UBR3: variants seen among roughly 807,000 people sequenced by gnomAD.
UBR3 encodes ubiquitin protein ligase E3 component n-recognin 3, also known as E3 ubiquitin-protein ligase UBR3.
Under a neutral mutation model 243.2 loss-of-function variants are expected in UBR3, and 85 were observed. The ratio of observed to expected loss-of-function variants is 0.35; its 90% CI spans 0.29 to 0.42. UBR3 has a LOEUF of 0.42. UBR3 is among the 10% of genes least tolerant of loss of function. The pLI is 1.00. For missense variants in UBR3, 1,686 were observed against 2,300.8 expected (o/e 0.73, Z 5.47); for synonymous variants, 748 against 799.8 (o/e 0.94, Z 1.09).
At chr2:169,905,939 A>G in intron 9 of UBR3, 92 bp from the exon 10 acceptor site, 1 of 1,379,664 alleles carries the variant, frequency 7.2e-7, no homozygotes, top group Non-Finnish European at 9.7e-7. Flanking sequence ...TTGTGTGCAT[A>G]AATGTGTTTG....
chr2:169,830,370 A>C (rs1302829546), intron 1 of UBR3, among the ~76,000 whole-genome samples: 1 of 152,226 alleles, frequency 6.6e-6, no homozygotes, highest in Admixed American at 6.5e-5. Flanking sequence ...AGTAGTAGTA[A>C]AATTTTGGAC....
chr2:169,911,286 T>C (rs73013707), intron 10 of UBR3, among the ~76,000 whole-genome samples: 6,612 of 152,226 alleles, frequency 0.043, 164 homozygotes, highest in Middle Eastern at 0.068. Flanking sequence ...GTGGCAACTA[T>C]AGGTTACTAC....
At chr2:169,917,525 G>A (rs2085508806) in intron 11 of UBR3, among the ~76,000 whole-genome samples, 1 of 152,148 alleles carries the variant, frequency 6.6e-6, no homozygotes, top group East Asian at 1.9e-4. Context: ...TGTAGTGAAG[G>A]ACAGTTAGAA....
At chr2:169,891,120 T>C in intron 5 of UBR3, 45 bp from the exon 6 acceptor site, 1 of 1,434,566 alleles carries the variant, frequency 7.0e-7, no homozygotes, top group South Asian at 1.3e-5. Context: ...AGTGTATCAA[T>C]TTATGAATGT....
chr2:170,078,703 T>TAACA (rs549312785), intron 36 of UBR3, among the ~76,000 whole-genome samples: 105 of 152,362 alleles, frequency 6.9e-4, no homozygotes, highest in African/African-American at 2.2e-3. Flanking sequence ...ATCCACCTGT[T>TAACA]GCCTTACATC....
At chr2:169,953,283 C>T (rs6713323) in intron 23 of UBR3, among the ~76,000 whole-genome samples, 8,224 of 152,170 alleles carry the variant, frequency 0.054, 402 homozygotes, top group African/African-American at 0.13. Flanking sequence ...TGGATCTCAC[C>T]GTGCTTCTCA....
intron 35 of UBR3, 143 bp from the exon 36 acceptor site, chr2:170,073,285 C>A: frequency 2.4e-6 from 2 of 831,422 alleles, no homozygotes; most frequent in South Asian, 1.6e-5. Flanking sequence ...TCTTGTTTCT[C>A]TTACTCCCTT....
chr2:169,893,198 T>C (rs1462513470), intron 6 of UBR3, among the ~76,000 whole-genome samples: 1 of 152,220 alleles, frequency 6.6e-6, no homozygotes, highest in Non-Finnish European at 1.5e-5. Flanking sequence ...GGTCTGCAGA[T>C]AAAAATATTG....
intron 24 of UBR3, among the ~76,000 whole-genome samples, chr2:169,985,207 CTCA>C (rs1204399256): frequency 6.9e-6 from 1 of 145,614 alleles, no homozygotes; most frequent in Non-Finnish European, 1.5e-5. Context: ...CCAAAGTAGT[CTCA>C]TATCAACTCT....
chr2:169,852,850 C>CAAAAAAAAAAAAAAAA (rs869283640), intron 1 of UBR3, among the ~76,000 whole-genome samples: 3 of 48,284 alleles, frequency 6.2e-5, no homozygotes, highest in African/African-American at 9.5e-5. Flanking sequence ...GACTTCATCT[C>CAAAAAAAAAAAAAAAA]AAAAAAAAAA....
At position 169,906,029 on chromosome 2, in the gene UBR3, A is replaced by G; in HGVS notation, c.1646-2A>G. The stretch of plus-strand genomic sequence containing the variant: ...GTTTATATCTGCTTTAATTTTTGCC[A>G]GGTATGAACTTAAACAAGCGAGAAC... On this transcript the variant is annotated splice_acceptor_variant, in intron 9 of 38. Coordinates refer to ENST00000272793, the MANE Select transcript of UBR3 (RefSeq NM_172070.4). LOFTEE classifies it high-confidence loss of function. The G allele has an allele frequency of 6.5e-7, 1 of 1,548,222 alleles. No individual in the cohort carries two copies. The highest frequency in any genetic ancestry group is 8.7e-7 in the Non-Finnish European group (1 of 1,146,044).
chr2:169,894,179 A>G (rs140853954), intron 6 of UBR3, among the ~76,000 whole-genome samples: 1,867 of 152,054 alleles, frequency 0.012, 53 homozygotes, highest in African/African-American at 0.042. Context: ...ATAAATTAGC[A>G]GGGTGTGGTC....
chr2:169,987,414 A>G (rs1053233702), intron 25 of UBR3, among the ~76,000 whole-genome samples: 1 of 151,084 alleles, frequency 6.6e-6, no homozygotes, highest in Admixed American at 6.6e-5. Flanking sequence ...AAAAACAAAA[A>G]AAAAACAAAA....
chr2:169,889,366 GT>G (rs1477633395), intron 5 of UBR3, among the ~76,000 whole-genome samples: 6 of 152,080 alleles, frequency 3.9e-5, no homozygotes, highest in African/African-American at 1.4e-4. Context: ...TTCATAGGAA[GT>G]TTATATTTGA....
chr2:169,918,991 G>C (rs1337920390), intron 11 of UBR3, among the ~76,000 whole-genome samples: 1 of 152,158 alleles, frequency 6.6e-6, no homozygotes, highest in Non-Finnish European at 1.5e-5. Flanking sequence ...ACCTGATTTA[G>C]CCTGAAGAAC....
chr2:169,948,430 G>A (rs1293358551), intron 22 of UBR3, among the ~76,000 whole-genome samples: 2 of 151,884 alleles, frequency 1.3e-5, no homozygotes, highest in Admixed American at 6.6e-5. Context: ...TTGAAAATCA[G>A]CGCTCTCATT....
chr2:170,032,146 T>G (rs2090689398), intron 31 of UBR3, among the ~76,000 whole-genome samples: 1 of 152,136 alleles, frequency 6.6e-6, no homozygotes, highest in South Asian at 2.1e-4. Flanking sequence ...GATCTTGAAA[T>G]ATCAACAACA....
At chr2:170,022,091 A>T (rs1367983686) in intron 30 of UBR3, among the ~76,000 whole-genome samples, 1 of 151,994 alleles carries the variant, frequency 6.6e-6, no homozygotes, top group African/African-American at 2.4e-5. Context: ...CTAAGAACTG[A>T]CCTCTCTTCC....
At chr2:169,853,775 C>A (rs1046373200) in intron 1 of UBR3, among the ~76,000 whole-genome samples, 1 of 103,642 alleles carries the variant, frequency 9.6e-6, no homozygotes, top group Non-Finnish European at 2.4e-5. Context: ...AAAGGGACTT[C>A]GTTTTTTTTT....
Sources: gnomAD v4.1 joint callset for allele counts (sites outside exome capture counted in the v4.1 genomes callset) on GRCh38, gnomAD v4.1.1 for gene constraint, MANE v1.5 for transcripts, NCBI Gene and HGNC (gene_info 2026-07-23, HGNC 2026-07-21) for gene names.